TBC1D14: variants seen among roughly 807,000 people sequenced by gnomAD.
TBC1D14 encodes TBC1 domain family member 14, also known as TBC1 domain family, member 14.
A neutral mutation model predicts 79.0 loss-of-function variants in TBC1D14; 26 were observed. That is an observed-to-expected ratio of 0.33 (90% CI 0.24 to 0.46). The LOEUF is 0.46. Ranked by LOEUF, TBC1D14 falls within the 20% of genes least tolerant of loss-of-function variation. TBC1D14 has a pLI of 1.00. For missense variants in TBC1D14, 769 were observed against 887.6 expected, an observed-to-expected ratio of 0.87 and a Z score of 1.70; for synonymous variants, 394 against 349.9, an observed-to-expected ratio of 1.13 and a Z score of -1.40.
chr4:7,031,740 G>A lies in TBC1D14; in HGVS notation c.*1348G>A, dbSNP rs1577206386. On this transcript the variant is annotated 3_prime_UTR_variant, in exon 14 of 14. Coordinates refer to ENST00000409757, the MANE Select transcript of TBC1D14 (RefSeq NM_020773.3). ...CGGGCTTGGTTAGTCATGCGTACAT[G>A]TGTGCCTTGGGGTGCTCTGCACTCC... 6.6e-6 allele frequency: 1 copy of A among 152,230 alleles called. No homozygotes were observed. The highest frequency in any genetic ancestry group is 2.1e-4 in the South Asian group (1 of 4,836). The allele number at this position is 152,230 out of a possible 1,614,324, so 9.4% of individuals were successfully genotyped here.
Position 7,032,483 on chromosome 4 carries a change from G to T in TBC1D14, c.*2091G>T, listed in dbSNP as rs1723152301. ...TTCCTGGTGAAGCAGTTTCACATCA[G>T]TCTCTCCAGATAGCACTACGATGTA... On this transcript the variant is annotated 3_prime_UTR_variant, in exon 14 of 14. Transcript: ENST00000409757. The T allele has an allele frequency of 1.3e-5, 2 of 152,602 alleles. No individual in the cohort carries two copies. The highest frequency in any genetic ancestry group is 4.8e-5 in the African/African-American group (2 of 41,428). The allele number at this position is 152,602 out of a possible 1,614,324, so 9.5% of individuals were successfully genotyped here.
chr4:6,930,720 T>C (rs1038159422), intron 2 of TBC1D14, among the ~76,000 whole-genome samples: 2 of 150,952 alleles, frequency 1.3e-5, no homozygotes, highest in Non-Finnish European at 2.9e-5. Context: ...ATGGCTTGAA[T>C]CTGAGAGGTA....
At chr4:7,000,756 C>T (rs768739691) in intron 6 of TBC1D14, among the ~76,000 whole-genome samples, 12 of 152,134 alleles carry the variant, frequency 7.9e-5, no homozygotes, top group African/African-American at 1.7e-4. Flanking sequence ...GCTGCAGTGC[C>T]GCCTGGCACT....
intron 2 of TBC1D14, among the ~76,000 whole-genome samples, chr4:6,927,143 C>T (rs1470385809): frequency 6.6e-6 from 1 of 152,186 alleles, no homozygotes; most frequent in African/African-American, 2.4e-5. Flanking sequence ...TGCATTTGTC[C>T]TTCACCCACA....
At chr4:7,002,923 A>T (rs1719816169) in intron 7 of TBC1D14, among the ~76,000 whole-genome samples, 1 of 152,136 alleles carries the variant, frequency 6.6e-6, no homozygotes, top group Non-Finnish European at 1.5e-5. Flanking sequence ...GCATCCTGGA[A>T]AGGCTAGGAC....
intron 11 of TBC1D14, among the ~76,000 whole-genome samples, chr4:7,011,718 G>T (rs903734749): frequency 6.6e-6 from 1 of 151,706 alleles, no homozygotes; most frequent in African/African-American, 2.4e-5. Context: ...CACCATGCCA[G>T]GCTAATTTTT....
chr4:6,999,571 A>T (rs1159257943), intron 6 of TBC1D14, among the ~76,000 whole-genome samples: 2 of 151,982 alleles, frequency 1.3e-5, no homozygotes, highest in Non-Finnish European at 2.9e-5. Context: ...TCACCCTCGG[A>T]TGCCTCTCCT....
At chr4:6,943,334 C>G (rs1713094676) in intron 2 of TBC1D14, among the ~76,000 whole-genome samples, 1 of 152,204 alleles carries the variant, frequency 6.6e-6, no homozygotes, top group Admixed American at 6.5e-5. Context: ...TCCTTCCTCC[C>G]TCTGCCCCTC....
At chr4:7,019,725 GCACA>G (rs1721628078) in intron 12 of TBC1D14, among the ~76,000 whole-genome samples, 1 of 147,312 alleles carries the variant, frequency 6.8e-6, no homozygotes, top group Non-Finnish European at 1.5e-5. Flanking sequence ...GGACTCTGGG[GCACA>G]GAGGTGGGTA....
chr4:6,939,752 GGGT>G, intron 2 of TBC1D14, among the ~76,000 whole-genome samples: 2 of 151,386 alleles, frequency 1.3e-5, no homozygotes, highest in South Asian at 4.2e-4. Flanking sequence ...GGTGGGGGTG[GGGT>G]GGTGGTGTGG....
At chr4:6,925,245 C>T (rs573468923) in intron 2 of TBC1D14, among the ~76,000 whole-genome samples, 3 of 152,228 alleles carry the variant, frequency 2.0e-5, no homozygotes, top group East Asian at 1.9e-4. Flanking sequence ...CCAGCCTGGG[C>T]GACAGAATGA....
chr4:6,936,271 G>A (rs1249021070), intron 2 of TBC1D14, among the ~76,000 whole-genome samples: 1 of 152,182 alleles, frequency 6.6e-6, no homozygotes, highest in Non-Finnish European at 1.5e-5. Flanking sequence ...TCACACTGAG[G>A]AGTTTCACTG....
At position 6,981,071 on chromosome 4, in the gene TBC1D14, C is replaced by T. The variant is rs12500690; in HGVS notation, c.844-13113C>T. On this transcript the variant is annotated intron_variant, in intron 3 of 13. Coordinates refer to ENST00000409757, the MANE Select transcript of TBC1D14 (RefSeq NM_020773.3). ...ACTGAGTCTTGCTCTGTTGCTCAGG[C>T]TGGAGTGCAGTGGTGCGACCTCAGC... 3.7e-3 allele frequency among the ~76,000 whole-genome samples: 542 copies of T among 145,362 alleles called. 11 individuals are homozygous for T. The highest frequency in any genetic ancestry group is 0.034 in the Admixed American group (481 of 14,066).
intron 1 of TBC1D14, among the ~76,000 whole-genome samples, chr4:6,914,624 T>C (rs1206435086): frequency 6.6e-6 from 1 of 152,164 alleles, no homozygotes; most frequent in Non-Finnish European, 1.5e-5. Flanking sequence ...AACTAGTGCA[T>C]ATAGACATGG....
chr4:6,987,326 G>T lies in TBC1D14; in HGVS notation c.844-6858G>T, dbSNP rs1161856441. On this transcript the variant is annotated intron_variant, in intron 3 of 13. Transcript: ENST00000409757. Reference sequence around the variant, plus strand: ...CTGGGCATGGAGCCTCCGGCCGCGCGCCTCTAAGGCCCCGGCGTTCATGGT... The same window carrying T: ...CTGGGCATGGAGCCTCCGGCCGCGCTCCTCTAAGGCCCCGGCGTTCATGGT... 9 of 1,407,234 alleles carry T rather than the reference G, an allele frequency of 6.4e-6. No homozygotes were observed. The African/African-American group carries it at 8.9e-5, about 14-fold the overall frequency. 87.2% of individuals were successfully genotyped at this position (1,407,234 alleles called of 1,614,324 possible).
intron 3 of TBC1D14, among the ~76,000 whole-genome samples, chr4:6,982,460 C>CT (rs1302749356): frequency 6.6e-6 from 1 of 152,090 alleles, no homozygotes; most frequent in African/African-American, 2.4e-5. Flanking sequence ...CTACCGAGGG[C>CT]TAACACAAAG....
At chr4:7,021,927 G>A (rs1721875766) in intron 12 of TBC1D14, among the ~76,000 whole-genome samples, 1 of 152,236 alleles carries the variant, frequency 6.6e-6, no homozygotes, top group African/African-American at 2.4e-5. Flanking sequence ...CGTGTGGACA[G>A]TAGCCCCCTT....
chr4:7,005,000 T>C (rs2109221158), intron 8 of TBC1D14, 76 bp downstream of exon 8: 1 of 1,358,512 alleles, frequency 7.4e-7, no homozygotes, highest in East Asian at 2.3e-5. Context: ...GTGAAGAAAG[T>C]TGACGTTAAC....
At chr4:6,919,836 G>C (rs1390423995) in intron 1 of TBC1D14, among the ~76,000 whole-genome samples, 2 of 152,094 alleles carry the variant, frequency 1.3e-5, no homozygotes, top group Non-Finnish European at 2.9e-5. Context: ...GGTCAGGCTG[G>C]TCTCAAACTC....
Sources: gnomAD v4.1 joint callset for allele counts (sites outside exome capture counted in the v4.1 genomes callset) on GRCh38, gnomAD v4.1.1 for gene constraint, MANE v1.5 for transcripts, NCBI Gene and HGNC (gene_info 2026-07-23, HGNC 2026-07-21) for gene names.